PHACTR3: variants seen among roughly 807,000 people sequenced by gnomAD.
PHACTR3 encodes protein phosphatase 1, regulatory subunit 123.
In PHACTR3, 16 loss-of-function variants were observed where a neutral mutation model predicts 66.8. The ratio of observed to expected loss-of-function variants is 0.24; its 90% CI spans 0.16 to 0.36. PHACTR3 has a LOEUF of 0.36. Ranked by LOEUF, PHACTR3 falls within the 10% of genes least tolerant of loss-of-function variation. PHACTR3 has a pLI of 1.00. For synonymous variants in PHACTR3, 323 were observed against 292.1 expected (o/e 1.11, Z -1.08); for missense variants, 647 against 719.9 (o/e 0.90, Z 1.16).
At chr20:59,598,905 T>G (rs184344641) in intron 1 of PHACTR3, among the ~76,000 whole-genome samples, 7 of 152,362 alleles carry the variant, frequency 4.6e-5, no homozygotes, top group Non-Finnish European at 1.0e-4. Context: ...CCTTGGGTCC[T>G]GGAACTCCCA....
Position 59,767,472 on chromosome 20 carries a change from C to T in PHACTR3, c.751+77C>T. ...TCCATCTATCCTACATTCATCCACC[C>T]ATCCATCATCTATCTATTTATTCAC... On this transcript the variant is annotated intron_variant, in intron 5 of 12. Transcript: ENST00000371015. The T allele has an allele frequency of 7.0e-6, 10 of 1,423,646 alleles. No individual in the cohort carries two copies. The South Asian group carries it at 1.1e-4, about 16-fold the overall frequency. The allele number at this position is 1,423,646 out of a possible 1,614,324, so 88.2% of individuals were successfully genotyped here.
intron 1 of PHACTR3, among the ~76,000 whole-genome samples, chr20:59,682,168 C>T (rs140777050): frequency 0.11 from 17,247 of 152,026 alleles, 1,248 homozygotes; most frequent in Non-Finnish European, 0.16. Context: ...GGCAAAACCC[C>T]GTCTCTACTA....
intron 5 of PHACTR3, among the ~76,000 whole-genome samples, chr20:59,768,942 G>A (rs770073608): frequency 2.0e-5 from 3 of 152,240 alleles, no homozygotes; most frequent in Non-Finnish European, 2.9e-5. Context: ...GGGCTGTGGT[G>A]CCCTGTGGTT....
At chr20:59,638,379 G>C (rs1252929171) in intron 1 of PHACTR3, among the ~76,000 whole-genome samples, 1 of 143,722 alleles carries the variant, frequency 7.0e-6, no homozygotes, top group East Asian at 1.9e-4. Context: ...GTTGGTGGTG[G>C]ATGGATGGAT....
intron 1 of PHACTR3, among the ~76,000 whole-genome samples, chr20:59,669,072 C>G (rs2036102466): frequency 6.6e-6 from 1 of 151,962 alleles, no homozygotes; most frequent in Non-Finnish European, 1.5e-5. Context: ...TAGTATAAGA[C>G]TGATGTGTCT....
intron 4 of PHACTR3, among the ~76,000 whole-genome samples, chr20:59,765,366 A>G (rs533040280): frequency 6.6e-6 from 1 of 152,324 alleles, no homozygotes; most frequent in East Asian, 1.9e-4. Flanking sequence ...GAACAAGAGT[A>G]TAGAGCCAGT....
At chr20:59,636,568 C>T (rs143928493) in intron 1 of PHACTR3, among the ~76,000 whole-genome samples, 2 of 152,208 alleles carry the variant, frequency 1.3e-5, no homozygotes, top group Non-Finnish European at 2.9e-5. Flanking sequence ...TGGTCTGGAT[C>T]GGGGCTCTGC....
chr20:59,592,712 C>T (rs983682171), intron 1 of PHACTR3, among the ~76,000 whole-genome samples: 1 of 152,134 alleles, frequency 6.6e-6, no homozygotes. Flanking sequence ...ATAATTTTGC[C>T]TTTTTCAAGA....
At chr20:59,639,853 T>C in intron 1 of PHACTR3, among the ~76,000 whole-genome samples, 1 of 152,210 alleles carries the variant, frequency 6.6e-6, no homozygotes, top group East Asian at 1.9e-4. Flanking sequence ...TGTGCTGGGA[T>C]ATAAATTTTT....
intron 1 of PHACTR3, among the ~76,000 whole-genome samples, chr20:59,619,511 A>G (rs2034160364): frequency 1.3e-5 from 2 of 152,042 alleles, no homozygotes; most frequent in Admixed American, 6.5e-5. Context: ...TTGAGGGAAG[A>G]TGAGAAGGCA....
chr20:59,605,603 G>T (rs2033633080), intron 1 of PHACTR3, among the ~76,000 whole-genome samples: 1 of 152,200 alleles, frequency 6.6e-6, no homozygotes, highest in South Asian at 2.1e-4. Context: ...CCAGGCGCCT[G>T]ACTCCAGCGG....
At chr20:59,717,356 A>G (rs892041535) in intron 1 of PHACTR3, among the ~76,000 whole-genome samples, 2 of 152,154 alleles carry the variant, frequency 1.3e-5, no homozygotes, top group Admixed American at 6.5e-5. Flanking sequence ...CCTTTCCTCA[A>G]TTTTCCCCCA....
At chr20:59,765,230 T>C (rs1182476390) in intron 4 of PHACTR3, among the ~76,000 whole-genome samples, 3 of 152,242 alleles carry the variant, frequency 2.0e-5, no homozygotes, top group African/African-American at 7.2e-5. Context: ...ACAAGTCAGA[T>C]GACATAATGA....
intron 5 of PHACTR3, among the ~76,000 whole-genome samples, chr20:59,768,188 T>C (rs771350021): frequency 9.2e-5 from 14 of 152,238 alleles, no homozygotes; most frequent in Non-Finnish European, 1.5e-4. Context: ...TTAGGTATTT[T>C]TTATCTGGAA....
chr20:59,732,504 C>T (rs1481502988), intron 1 of PHACTR3, among the ~76,000 whole-genome samples: 1 of 152,158 alleles, frequency 6.6e-6, no homozygotes, highest in African/African-American at 2.4e-5. Context: ...CAATTATTCA[C>T]TCTGAAGCTT....
At chr20:59,673,431 C>T (rs976585219) in intron 1 of PHACTR3, among the ~76,000 whole-genome samples, 2 of 152,206 alleles carry the variant, frequency 1.3e-5, no homozygotes, top group African/African-American at 2.4e-5. Context: ...TGGCGCTAAG[C>T]GGGGTGTCTG....
chr20:59,754,280 G>A (rs568975185), intron 3 of PHACTR3, among the ~76,000 whole-genome samples: 37 of 152,334 alleles, frequency 2.4e-4, no homozygotes, highest in African/African-American at 8.4e-4. Context: ...TGCAGCAGCC[G>A]AGCTTCAAGA....
At chr20:59,606,610 T>C (rs1199578273) in intron 1 of PHACTR3, among the ~76,000 whole-genome samples, 1 of 152,244 alleles carries the variant, frequency 6.6e-6, no homozygotes, top group Admixed American at 6.5e-5. Context: ...ATCATGGAAG[T>C]TGAGTGGCTT....
At chr20:59,813,821 A>G (rs1025926521) in intron 8 of PHACTR3, among the ~76,000 whole-genome samples, 1 of 152,112 alleles carries the variant, frequency 6.6e-6, no homozygotes, top group Admixed American at 6.5e-5. Context: ...TGGGTTCCCA[A>G]TCCACACAGA....
Sources: allele counts gnomAD v4.1 joint callset (sites outside exome capture counted in the v4.1 genomes callset), GRCh38; gene constraint gnomAD v4.1.1; transcripts MANE v1.5; gene names NCBI Gene and HGNC (gene_info 2026-07-23, HGNC 2026-07-21).